The following RYR3 variants were observed in gnomAD, a reference collection of about 807,000 sequenced individuals.
RYR3 encodes the protein ryanodine receptor 3, also known as brain ryanodine receptor-calcium release channel.
A neutral mutation model predicts 584.3 loss-of-function variants in RYR3; 207 were observed. The ratio of observed to expected loss-of-function variants is 0.35; its 90% CI spans 0.32 to 0.40. The LOEUF is 0.40. Ranked by LOEUF, RYR3 falls within the 10% of genes least tolerant of loss-of-function variation. The probability of loss-of-function intolerance (pLI) is 1.00; values close to 1 mark genes in which losing one functional copy is unlikely to be tolerated. For synonymous variants in RYR3, 2,416 were observed against 2,248.5 expected (o/e 1.07, Z -2.11); for missense variants, 5,616 against 6,089.2 (o/e 0.92, Z 2.59).
At chr15:33,697,461 C>A (rs1428301367) in intron 39 of RYR3, among the ~76,000 whole-genome samples, 1 of 152,154 alleles carries the variant, frequency 6.6e-6, no homozygotes, top group Admixed American at 6.5e-5. Context: ...AATTACCAGG[C>A]TGTTTCTGTA....
rs745318855 is a variant in RYR3 at position 33,818,696 on chromosome 15, C to T, written c.10706+12C>T. The T allele has an allele frequency of 3.8e-6, 6 of 1,589,138 alleles. No homozygotes were observed. In the Admixed American group the frequency reaches 1.0e-4, roughly 27 times the overall value. ...CTCACGGAGAGGAGGTCAGAACCACCAGCTCACCTGCTTCTCCCAGGCACC... is the reference window on the plus strand; with the variant it reads ...CTCACGGAGAGGAGGTCAGAACCACTAGCTCACCTGCTTCTCCCAGGCACC... On this transcript the variant is annotated intron_variant, in intron 76 of 103. Coordinates refer to ENST00000634891, the MANE Select transcript of RYR3 (RefSeq NM_001036.6).
chr15:33,366,838 G>A (rs189612997), intron 1 of RYR3, among the ~76,000 whole-genome samples: 180 of 152,208 alleles, frequency 1.2e-3, no homozygotes, highest in Non-Finnish European at 2.1e-3. Context: ...CAATGAGACC[G>A]GTCAATAGAA....
intron 1 of RYR3, among the ~76,000 whole-genome samples, chr15:33,329,972 TG>T (rs1208085241): frequency 3.3e-5 from 5 of 152,048 alleles, no homozygotes; most frequent in Admixed American, 1.3e-4. Flanking sequence ...TATGAATGGG[TG>T]AAAGGGAGTG....
intron 53 of RYR3, among the ~76,000 whole-genome samples, chr15:33,747,338 G>A (rs909991585): frequency 6.9e-6 from 1 of 145,142 alleles, no homozygotes; most frequent in Non-Finnish European, 1.5e-5. Flanking sequence ...CATTCATGTT[G>A]ACTACCTATT....
chr15:33,685,693 TAATG>T (rs1003875360), intron 38 of RYR3, among the ~76,000 whole-genome samples: 1 of 152,154 alleles, frequency 6.6e-6, no homozygotes, highest in African/African-American at 2.4e-5. Context: ...TAATTGGAAA[TAATG>T]CACTCCTCAG....
At chr15:33,355,053 A>G (rs150784192) in intron 1 of RYR3, among the ~76,000 whole-genome samples, 11,877 of 151,986 alleles carry the variant, frequency 0.078, 547 homozygotes, top group Middle Eastern at 0.12. Context: ...GCGTGGTGGT[A>G]CACGCCTGTA....
chr15:33,435,452 T>C (rs1335351118), intron 1 of RYR3, among the ~76,000 whole-genome samples: 2 of 152,200 alleles, frequency 1.3e-5, no homozygotes, highest in African/African-American at 4.8e-5. Context: ...AGTTTGGGGC[T>C]CTGGATATGT....
At chr15:33,474,453 A>G (rs1016685292) in intron 2 of RYR3, among the ~76,000 whole-genome samples, 1 of 152,224 alleles carries the variant, frequency 6.6e-6, no homozygotes, top group Non-Finnish European at 1.5e-5. Flanking sequence ...CTTCTTTTCT[A>G]GGACATCTCA....
At position 33,858,314 on chromosome 15, in the gene RYR3, T is replaced by C. The variant is rs149447754; in HGVS notation, c.14142+400T>C. On this transcript the variant is annotated intron_variant, in intron 99 of 103. Transcript: ENST00000634891. ...CCGCCTCTCAGGTTCAAGTGATTCTTCTGCCTCAGCCTCCCTAGTAGCTGG... is the reference window on the plus strand; with the variant it reads ...CCGCCTCTCAGGTTCAAGTGATTCTCCTGCCTCAGCCTCCCTAGTAGCTGG... The C allele has an allele frequency of 6.7e-3, 1,192 of 178,430 alleles. 14 individuals carry two copies. The highest frequency in any genetic ancestry group is 0.026 in the African/African-American group (1,114 of 42,416). 11.1% of individuals were successfully genotyped at this position (178,430 alleles called of 1,614,324 possible).
At chr15:33,481,189 T>C (rs1041849516) in intron 2 of RYR3, among the ~76,000 whole-genome samples, 2 of 152,212 alleles carry the variant, frequency 1.3e-5, no homozygotes, top group Non-Finnish European at 2.9e-5. Flanking sequence ...CTTATGTATG[T>C]ATTTATATCT....
Position 33,788,445 on chromosome 15 carries a change from G to A in RYR3, c.9817G>A (p.Val3273Met), listed in dbSNP as rs369695196. The A allele has an allele frequency of 2.2e-5, 36 of 1,613,686 alleles. No homozygotes were observed. The highest frequency in any genetic ancestry group is 2.8e-5 in the Non-Finnish European group (33 of 1,179,718). Residue 3273 changes from valine to methionine, a missense_variant, in exon 67 of 104, where the codon GTG becomes ATG. Transcript: ENST00000634891. ...CTTCTACCCCATGCTGATCCGCTAC[G>A]TGGACAACAACAGGTACGGAGGAGA... ...YAFYPMLIRYVDNNRSNWLKS... is the reference protein window; with the variant it reads ...YAFYPMLIRYMDNNRSNWLKS...
chr15:33,762,799 C>T (rs567405357), intron 60 of RYR3, among the ~76,000 whole-genome samples: 36 of 152,220 alleles, frequency 2.4e-4, no homozygotes, highest in African/African-American at 8.2e-4. Context: ...AAAAAGAACC[C>T]ACATTGCCAA....
At chr15:33,713,767 G>T (rs2067289939) in intron 43 of RYR3, among the ~76,000 whole-genome samples, 4 of 152,138 alleles carry the variant, frequency 2.6e-5, no homozygotes, top group Admixed American at 2.6e-4. Flanking sequence ...TTCAGTGTCT[G>T]GTGAGGTTTC....
At chr15:33,622,959 C>G (rs925603966) in intron 19 of RYR3, among the ~76,000 whole-genome samples, 1 of 152,170 alleles carries the variant, frequency 6.6e-6, no homozygotes, top group East Asian at 1.9e-4. Context: ...TGACTTTCAG[C>G]CAGAATACTG....
intron 10 of RYR3, among the ~76,000 whole-genome samples, chr15:33,554,331 G>A (rs1185070415): frequency 8.4e-6 from 1 of 118,576 alleles, no homozygotes; most frequent in African/African-American, 3.4e-5. Flanking sequence ...GTCTCGTTCT[G>A]TTGCCCAGGC....
intron 2 of RYR3, among the ~76,000 whole-genome samples, chr15:33,485,380 A>G (rs79936444): frequency 0.021 from 3,266 of 152,328 alleles, 55 homozygotes; most frequent in Non-Finnish European, 0.027. Flanking sequence ...TTTTTGAAAT[A>G]GGAAAGACTT....
Position 33,613,265 on chromosome 15 carries a change from G to T in RYR3, c.2247G>T (p.Gly749=). The T allele has an allele frequency of 6.2e-7, 1 of 1,613,958 alleles. No individual in the cohort carries two copies. The highest frequency in any genetic ancestry group is 8.5e-7 in the Non-Finnish European group (1 of 1,179,868). Residue 749 remains glycine (G), a synonymous_variant, in exon 19 of 104, where the codon GGG becomes GGT. Coordinates refer to ENST00000634891, the MANE Select transcript of RYR3 (RefSeq NM_001036.6). ...DDVVSCCLDL[G]VPSISFRING... The stretch of plus-strand genomic sequence containing the variant: ...TGGTAAGCTGCTGCCTGGACCTCGG[G>T]GTGCCCAGCATCTCATTCCGCATCA...
At chr15:33,692,339 G>A (rs1038947652) in intron 38 of RYR3, among the ~76,000 whole-genome samples, 11 of 152,294 alleles carry the variant, frequency 7.2e-5, no homozygotes, top group Non-Finnish European at 1.0e-4. Flanking sequence ...GGTTGTGCCT[G>A]GGTTTGCTTG....
intron 51 of RYR3, 54 bp from the exon 52 acceptor site, chr15:33,742,312 T>G: frequency 9.0e-7 from 1 of 1,110,850 alleles, no homozygotes; most frequent in South Asian, 1.3e-5. Flanking sequence ...TATCTTCTAC[T>G]ATGTCTGGCT....
Sources: gnomAD v4.1 joint callset for allele counts (sites outside exome capture counted in the v4.1 genomes callset) on GRCh38, gnomAD v4.1.1 for gene constraint, MANE v1.5 for transcripts, NCBI Gene and HGNC (gene_info 2026-07-23, HGNC 2026-07-21) for gene names.